The following CORO2B variants were observed in gnomAD, a reference collection of about 807,000 sequenced individuals.
CORO2B encodes coronin-2B.
Under a neutral mutation model 58.8 loss-of-function variants are expected in CORO2B, and 26 were observed. The observed-to-expected ratio is 0.44, with a 90% CI of 0.32 to 0.61. The LOEUF is 0.61. Among genes scored for constraint, CORO2B ranks in the 20% least tolerant of loss-of-function variants. The pLI is 0.04. For missense variants in CORO2B, 460 were observed against 645.1 expected (o/e 0.71, Z 3.11); for synonymous variants, 242 against 253.8 (o/e 0.95, Z 0.44).
At chr15:68,702,310 G>A (rs937636913) in intron 3 of CORO2B, among the ~76,000 whole-genome samples, 4 of 152,094 alleles carry the variant, frequency 2.6e-5, no homozygotes, top group Non-Finnish European at 5.9e-5. Flanking sequence ...AATAATAATA[G>A]GTAGCACTTA....
chr15:68,721,179 G>A (rs1893150777), intron 11 of CORO2B, among the ~76,000 whole-genome samples: 1 of 75,766 alleles, frequency 1.3e-5, no homozygotes, highest in African/African-American at 3.8e-5. Flanking sequence ...ACCACACCTG[G>A]CCCACTAATC....
chr15:68,662,950 G>C (rs936189807), intron 2 of CORO2B, among the ~76,000 whole-genome samples: 1 of 151,534 alleles, frequency 6.6e-6, no homozygotes, highest in Non-Finnish European at 1.5e-5. Context: ...TCCTAAACAG[G>C]CTAACACAGG....
At chr15:68,540,806 G>A in the CORO2B span, among the ~76,000 whole-genome samples, 1 of 152,222 alleles carries the variant, frequency 6.6e-6, no homozygotes, top group African/African-American at 2.4e-5. Flanking sequence ...GAGAGTCAGT[G>A]ACTGTCAGTA....
At chr15:68,547,941 C>T in the CORO2B span, among the ~76,000 whole-genome samples, 8 of 152,014 alleles carry the variant, frequency 5.3e-5, 1 homozygote, top group South Asian at 2.1e-4. Flanking sequence ...GAGGTTGAGG[C>T]GGGTGGATCA....
Position 68,719,528 on chromosome 15 carries a change from T to C in CORO2B, c.1287T>C (p.Asn429=). ...TCAACGGAATAGATTTATTAGAAAA[T>C]GTCCCACCCAGGACAGAGAATGAGG... The part of the protein sequence containing the change: ...VVVNGIDLLE[N]VPPRTENELL... Residue 429 remains asparagine, a synonymous_variant, in exon 11 of 12, where the codon AAT becomes AAC. Coordinates refer to ENST00000261861, the MANE Select transcript of CORO2B (RefSeq NM_006091.5). 1.2e-6 allele frequency: 2 copies of C among 1,614,068 alleles called. No homozygotes were observed. The highest frequency in any genetic ancestry group is 1.7e-6 in the Non-Finnish European group (2 of 1,180,014).
chr15:68,725,771 T>TCA (rs2140339806), intron 11 of CORO2B, 72 bp from the exon 12 acceptor site: 4 of 1,584,710 alleles, frequency 2.5e-6, no homozygotes, highest in Non-Finnish European at 3.4e-6. Context: ...AGCTGGAGAC[T>TCA]CACCTGGGAA....
chr15:68,606,930 G>A (rs535773253), intron 1 of CORO2B, among the ~76,000 whole-genome samples: 15 of 152,184 alleles, frequency 9.9e-5, no homozygotes, highest in South Asian at 8.3e-4. Flanking sequence ...GGATTGACTC[G>A]GAACCAGGAA....
intron 2 of CORO2B, among the ~76,000 whole-genome samples, chr15:68,693,856 G>C (rs1268995312): frequency 6.6e-6 from 1 of 151,334 alleles, no homozygotes; most frequent in Non-Finnish European, 1.5e-5. Flanking sequence ...TTTGTTTTGA[G>C]ACAGAGTCTT....
At chr15:68,573,445 G>T in the CORO2B span, among the ~76,000 whole-genome samples, 2 of 152,100 alleles carry the variant, frequency 1.3e-5, no homozygotes, top group African/African-American at 4.8e-5. Flanking sequence ...AAGGTCAAGG[G>T]GATGGCAGCA....
chr15:68,652,417 A>G (rs1901671847), intron 2 of CORO2B, among the ~76,000 whole-genome samples: 1 of 152,084 alleles, frequency 6.6e-6, no homozygotes, highest in African/African-American at 2.4e-5. Flanking sequence ...CCCCAGGGGC[A>G]CCACCCCTTT....
At chr15:68,527,274 C>A in the CORO2B span, among the ~76,000 whole-genome samples, 1 of 152,084 alleles carries the variant, frequency 6.6e-6, no homozygotes, top group African/African-American at 2.4e-5. Context: ...TCCTTGCTTA[C>A]CCCAAAGTTG....
intron 2 of CORO2B, among the ~76,000 whole-genome samples, chr15:68,687,504 C>A (rs1252966949): frequency 6.6e-6 from 1 of 152,190 alleles, no homozygotes. Flanking sequence ...GAGCCACACC[C>A]GTGGACTCAC....
the CORO2B span, among the ~76,000 whole-genome samples, chr15:68,540,953 G>A: frequency 6.6e-6 from 1 of 152,284 alleles, no homozygotes; most frequent in South Asian, 2.1e-4. Flanking sequence ...CCTCTGCAAG[G>A]GCACAGTGAC....
intron 2 of CORO2B, among the ~76,000 whole-genome samples, chr15:68,650,006 C>T (rs1301472871): frequency 1.3e-5 from 2 of 152,154 alleles, no homozygotes; most frequent in Non-Finnish European, 2.9e-5. Flanking sequence ...CACTGAGGAC[C>T]AGCGATGCAA....
intron 5 of CORO2B, among the ~76,000 whole-genome samples, chr15:68,712,947 T>A (rs1012317619): frequency 6.6e-6 from 1 of 152,190 alleles, no homozygotes; most frequent in Non-Finnish European, 1.5e-5. Flanking sequence ...GAAGGTCTTC[T>A]CTTGGGCTAC....
At chr15:68,707,166 G>A (rs939787130) in intron 3 of CORO2B, among the ~76,000 whole-genome samples, 1 of 152,124 alleles carries the variant, frequency 6.6e-6, no homozygotes, top group African/African-American at 2.4e-5. Flanking sequence ...ACAGACGTGA[G>A]CTACCACGCC....
the CORO2B span, among the ~76,000 whole-genome samples, chr15:68,527,422 A>G: frequency 6.6e-6 from 1 of 151,608 alleles, no homozygotes; most frequent in Non-Finnish European, 1.5e-5. Context: ...TTCCAGTGCA[A>G]TTTGTTGGAA....
the CORO2B span, among the ~76,000 whole-genome samples, chr15:68,529,042 C>T: frequency 6.6e-6 from 1 of 152,322 alleles, no homozygotes; most frequent in East Asian, 1.9e-4. Flanking sequence ...TTTGCCTCAA[C>T]AACTACTAGA....
chr15:68,698,535 G>A (rs1368872509), intron 3 of CORO2B, among the ~76,000 whole-genome samples: 5 of 152,206 alleles, frequency 3.3e-5, no homozygotes, highest in Admixed American at 6.5e-5. Flanking sequence ...CCGGCCACAT[G>A]AGCCAAGAGA....
Sources: gnomAD v4.1 joint callset for allele counts (sites outside exome capture counted in the v4.1 genomes callset) on GRCh38, gnomAD v4.1.1 for gene constraint, MANE v1.5 for transcripts, NCBI Gene and HGNC (gene_info 2026-07-23, HGNC 2026-07-21) for gene names.